The following NUP107 variants were observed in gnomAD, a reference collection of about 807,000 sequenced individuals.
NUP107 encodes nucleoporin 107, also known as nuclear pore complex protein Nup107.
A neutral mutation model predicts 141.0 loss-of-function variants in NUP107; 101 were observed. The observed-to-expected ratio is 0.72, with a 90% CI of 0.61 to 0.84. The LOEUF is 0.84. NUP107 is among the 40% of genes least tolerant of loss of function. The pLI is 0.00. For synonymous variants in NUP107, 319 were observed against 363.9 expected (o/e 0.88, Z 1.41); for missense variants, 941 against 1,102.7 (o/e 0.85, Z 2.08).
intron 3 of NUP107, chr12:68,690,060 A>G (rs150358844): frequency 0.012 from 1,914 of 156,318 alleles, 47 homozygotes; most frequent in African/African-American, 0.044. Flanking sequence ...CATGCCTGTA[A>G]TCCCAGCTAC....
At chr12:68,727,707 T>C (rs1877624751) in intron 20 of NUP107, among the ~76,000 whole-genome samples, 2 of 152,176 alleles carry the variant, frequency 1.3e-5, no homozygotes, top group Non-Finnish European at 2.9e-5. Context: ...TCATATGCAG[T>C]CATCCCTCAG....
chr12:68,695,353 G>T (rs1876000448), intron 5 of NUP107, among the ~76,000 whole-genome samples: 2 of 152,172 alleles, frequency 1.3e-5, no homozygotes, highest in Non-Finnish European at 1.5e-5. Flanking sequence ...GTAGCCAAAA[G>T]GTAGAAGCAA....
chr12:68,740,885 T>A (rs74796521), intron 26 of NUP107, among the ~76,000 whole-genome samples: 3 of 151,528 alleles, frequency 2.0e-5, no homozygotes, highest in Non-Finnish European at 2.9e-5. Context: ...TTTTTTTTTT[T>A]AAATAGAAAA....
At chr12:68,708,208 A>C (rs1282129940) in intron 8 of NUP107, among the ~76,000 whole-genome samples, 1 of 152,172 alleles carries the variant, frequency 6.6e-6, no homozygotes, top group East Asian at 1.9e-4. Context: ...ATGGATACCA[A>C]GGGACGACTA....
At chr12:68,700,626 T>TA (rs1439641891) in intron 6 of NUP107, 100 bp from the exon 7 acceptor site, 3 of 716,468 alleles carry the variant, frequency 4.2e-6, no homozygotes, top group Non-Finnish European at 6.3e-6. Flanking sequence ...AATATATACT[T>TA]ATTAAATACA....
At chr12:68,723,596 C>CA (rs201834711) in intron 17 of NUP107, among the ~76,000 whole-genome samples, 57 of 149,160 alleles carry the variant, frequency 3.8e-4, no homozygotes, top group African/African-American at 1.4e-3. Context: ...AACTCTGTCT[C>CA]AAAAAAAAAG....
intron 5 of NUP107, among the ~76,000 whole-genome samples, chr12:68,695,157 G>T (rs977187452): frequency 6.6e-6 from 1 of 152,186 alleles, no homozygotes; most frequent in Admixed American, 6.5e-5. Flanking sequence ...TCAAATCCTT[G>T]TGCACTATTG....
chr12:68,726,517 G>A lies in NUP107; in HGVS notation c.1595G>A (p.Ser532Asn). Residue 532 changes from serine (S) to asparagine (N), a missense_variant, in exon 19 of 28, where the codon AGC becomes AAC. By Grantham distance (46) the Ser-to-Asn change is conservative. Transcript: ENST00000229179. ...GDIDGLMDEF[S>N]KWLSKSRNNL... ...CTTGTAGGTTTGATGGATGAGTTTAGCAAATGGCTTTCCAAAAGCAGAAAC... is the reference window on the plus strand; with the variant it reads ...CTTGTAGGTTTGATGGATGAGTTTAACAAATGGCTTTCCAAAAGCAGAAAC... The A allele has an allele frequency of 6.2e-7, 1 of 1,612,584 alleles. No homozygotes were observed. Among genetic ancestry groups the A allele is most frequent in the South Asian group, 1.1e-5 (1 of 91,030 alleles).
At chr12:68,702,693 C>T (rs761883392) in intron 7 of NUP107, 43 bp from the exon 8 acceptor site, 7 of 1,362,602 alleles carry the variant, frequency 5.1e-6, no homozygotes, top group African/African-American at 3.0e-5. Flanking sequence ...TCATTATATT[C>T]GTGTGAAATA....
Position 68,716,900 on chromosome 12 carries a change from A to C in NUP107, c.1083+1160A>C, listed in dbSNP as rs375668904. On this transcript the variant is annotated intron_variant, in intron 12 of 27. Coordinates refer to ENST00000229179, the MANE Select transcript of NUP107 (RefSeq NM_020401.4). Reference sequence around the variant, plus strand: ...TAAGCATATATTAATTTCTTATGTAATTTCTTTTTTTTTTTGAGATGGAGT... The same window carrying C: ...TAAGCATATATTAATTTCTTATGTACTTTCTTTTTTTTTTTGAGATGGAGT... Among the ~76,000 whole-genome samples the C allele has an allele frequency of 2.3e-4, 35 of 151,606 alleles. No homozygotes were observed. The South Asian group carries it at 6.9e-3, about 30-fold the overall frequency.
intron 26 of NUP107, among the ~76,000 whole-genome samples, chr12:68,736,739 T>TTTTTTTTTTTTA (rs1878087511): frequency 7.1e-6 from 1 of 140,738 alleles, no homozygotes; most frequent in Non-Finnish European, 1.5e-5. Context: ...TTTTTTTTTT[T>TTTTTTTTTTTTA]GAGAAAGAGT....
intron 10 of NUP107, among the ~76,000 whole-genome samples, chr12:68,713,051 T>G (rs1876937264): frequency 1.3e-5 from 2 of 152,000 alleles, no homozygotes; most frequent in African/African-American, 4.8e-5. Flanking sequence ...TTGGTTTGAC[T>G]TTATCAAAAT....
intron 4 of NUP107, 23 bp downstream of exon 4, chr12:68,690,769 G>T: frequency 6.2e-7 from 1 of 1,612,804 alleles, no homozygotes; most frequent in Non-Finnish European, 8.5e-7. Context: ...ATAGGGCTAA[G>T]AACTCCTTTT....
In NUP107 at chr12:68,696,874, T is replaced by C. The variant is rs143023022; in HGVS notation, c.504T>C (p.Ser168=). The C allele has an allele frequency of 3.8e-5, 61 of 1,611,328 alleles. No homozygotes were observed. In the African/African-American group the frequency reaches 5.5e-4, roughly 14 times the overall value. Residue 168 remains serine (S), a synonymous_variant, in exon 6 of 28, where the codon AGT becomes AGC. Transcript: ENST00000229179. ...AGTCTTTTCTGAAGCACTCTTCGAG[T>C]ACAGTTTTTGATCTTGTGGAAGAGT... ...FLQSFLKHSS[S]TVFDLVEEYE...
intron 26 of NUP107, among the ~76,000 whole-genome samples, chr12:68,738,322 C>T (rs969914029): frequency 9.3e-5 from 14 of 150,462 alleles, no homozygotes; most frequent in Middle Eastern, 3.4e-3. Flanking sequence ...TGGTGGCTCG[C>T]GCCTGTAATC....
chr12:68,692,672 TC>T (rs1403138527), intron 5 of NUP107, among the ~76,000 whole-genome samples: 1 of 151,006 alleles, frequency 6.6e-6, no homozygotes, highest in Non-Finnish European at 1.5e-5. Context: ...AGCCTTAACC[TC>T]CCAGGCTTAA....
At chr12:68,711,498 T>C (rs928483709) in intron 10 of NUP107, among the ~76,000 whole-genome samples, 2 of 150,684 alleles carry the variant, frequency 1.3e-5, no homozygotes, top group Non-Finnish European at 2.9e-5. Context: ...ATCGCTCCAC[T>C]GCACTCCAGC....
intron 4 of NUP107, 122 bp from the exon 5 acceptor site, chr12:68,691,846 A>G (rs1592490383): frequency 1.2e-6 from 1 of 858,176 alleles, no homozygotes; most frequent in Non-Finnish European, 1.7e-6. Context: ...GAAGGGAAAA[A>G]AAAAAAAAAA....
rs1878457921 is a variant in NUP107 at position 68,744,775 on chromosome 12, C to T, written c.*2313C>T. On this transcript the variant is annotated 3_prime_UTR_variant, in exon 28 of 28. Coordinates refer to ENST00000229179, the MANE Select transcript of NUP107 (RefSeq NM_020401.4). ...TTGGAGCCCCAAGAGTGCCAATGTG[C>T]TCCTCACAATTCCCAAATGCCTCTC... 6.6e-6 allele frequency: 1 copy of T among 152,198 alleles called. No individual in the cohort carries two copies. Among genetic ancestry groups the T allele is most frequent in the Non-Finnish European group, 1.5e-5 (1 of 68,052 alleles). 9.4% of individuals were successfully genotyped at this position (152,198 alleles called of 1,614,324 possible). A position where few individuals can be genotyped will look rare whatever the true frequency, so the allele number is the denominator to read the frequency against.
Sources: gnomAD v4.1 joint callset for allele counts (sites outside exome capture counted in the v4.1 genomes callset) on GRCh38, gnomAD v4.1.1 for gene constraint, MANE v1.5 for transcripts, NCBI Gene and HGNC (gene_info 2026-07-23, HGNC 2026-07-21) for gene names.